IL4I1: variants seen among roughly 807,000 people sequenced by gnomAD.
The protein encoded by IL4I1 is L-amino-acid oxidase.
A neutral mutation model predicts 29.7 loss-of-function variants in IL4I1; 24 were observed. That is an observed-to-expected ratio of 0.81 (90% CI 0.59 to 1.14). The LOEUF is 1.14. Among genes scored for constraint, IL4I1 ranks in the 50% most tolerant of loss-of-function variants. The pLI is 0.00. For synonymous variants in IL4I1, 371 were observed against 352.5 expected, an observed-to-expected ratio of 1.05 and a Z score of -0.59; for missense variants, 686 against 785.6, an observed-to-expected ratio of 0.87 and a Z score of 1.52.
chr19:49,924,503 C>T (rs893778813), intron 2 of IL4I1, among the ~76,000 whole-genome samples: 7 of 152,160 alleles, frequency 4.6e-5, no homozygotes, highest in African/African-American at 1.7e-4. Context: ...CCTGCAACCA[C>T]CGCCTCACTC....
intron 1 of IL4I1, chr19:49,927,837 C>T (rs2075940590): frequency 6.6e-6 from 1 of 152,290 alleles, no homozygotes; most frequent in Non-Finnish European, 1.5e-5. Context: ...AAAAGACGGA[C>T]ATCCACCTCG....
chr19:49,894,919 A>T, intron 4 of IL4I1, 149 bp downstream of exon 4: 2 of 644,064 alleles, frequency 3.1e-6, no homozygotes, highest in Non-Finnish European at 2.7e-6. Context: ...CTGGCGCTGG[A>T]GGCAAGACTG....
In IL4I1 at chr19:49,916,516, G is replaced by A. The variant is rs142956514; in HGVS notation, c.-228+11178C>T. On this transcript the variant is annotated intron_variant, in intron 2 of 9. Transcript: ENST00000341114. ...AGGCCAGGCGCGGTGGCTCACGCCT[G>A]TAATCCCAGCACTTTGGAAGGCCGA... 7.2e-3 allele frequency among the ~76,000 whole-genome samples: 1,094 copies of A among 152,046 alleles called. 6 individuals carry two copies. Among genetic ancestry groups the A allele is most frequent in the African/African-American group, 0.02 (845 of 41,472 alleles).
At chr19:49,916,556 T>C (rs2075628715) in intron 2 of IL4I1, among the ~76,000 whole-genome samples, 1 of 151,808 alleles carries the variant, frequency 6.6e-6, no homozygotes, top group Non-Finnish European at 1.5e-5. Context: ...GGCGGATCAC[T>C]AGGTCAGGAG....
chr19:49,894,543 G>T (rs573571916), intron 4 of IL4I1, 74 bp from the exon 5 acceptor site: 7 of 1,114,248 alleles, frequency 6.3e-6, no homozygotes, highest in African/African-American at 6.2e-5. Flanking sequence ...ACTTGGAGAA[G>T]AGGGGTGGGA....
At chr19:49,917,141 A>G (rs1308236840) in intron 2 of IL4I1, among the ~76,000 whole-genome samples, 3 of 152,180 alleles carry the variant, frequency 2.0e-5, no homozygotes, top group Non-Finnish European at 4.4e-5. Flanking sequence ...GGCAGAAAAG[A>G]GCAGAGAGTG....
At chr19:49,920,601 T>C (rs982547863) in intron 2 of IL4I1, among the ~76,000 whole-genome samples, 30 of 152,226 alleles carry the variant, frequency 2.0e-4, no homozygotes, top group Admixed American at 1.7e-3. Context: ...TGGAGGCGGA[T>C]AGGCGTCAGG....
chr19:49,915,160 G>T (rs570740986), intron 2 of IL4I1, among the ~76,000 whole-genome samples: 1 of 152,236 alleles, frequency 6.6e-6, no homozygotes, highest in South Asian at 2.1e-4. Flanking sequence ...ATGTGTGTGG[G>T]GGGGTAGACA....
chr19:49,912,702 C>T (rs554700085), intron 2 of IL4I1, among the ~76,000 whole-genome samples: 43 of 152,128 alleles, frequency 2.8e-4, no homozygotes, highest in Non-Finnish European at 5.4e-4. Flanking sequence ...TGTCTCTACA[C>T]AAAAAACACA....
intron 7 of IL4I1, among the ~76,000 whole-genome samples, 182 bp downstream of exon 7, chr19:49,890,789 G>A (rs2075124977): frequency 6.6e-6 from 1 of 151,954 alleles, no homozygotes; most frequent in African/African-American, 2.4e-5. Flanking sequence ...TGTCACCAGG[G>A]ACCCCACCAC....
chr19:49,925,277 T>C (rs1322397584), intron 2 of IL4I1, among the ~76,000 whole-genome samples: 1 of 150,570 alleles, frequency 6.6e-6, no homozygotes, highest in African/African-American at 2.4e-5. Flanking sequence ...ACCAAAAAAA[T>C]TAAAAAACAA....
intron 2 of IL4I1, chr19:49,908,266 C>T: frequency 6.2e-7 from 1 of 1,613,772 alleles, no homozygotes. Flanking sequence ...GGAAGCTGCG[C>T]TCCTGCTCCT....
intron 2 of IL4I1, among the ~76,000 whole-genome samples, chr19:49,926,523 C>G (rs533764366): frequency 6.8e-6 from 1 of 146,044 alleles, no homozygotes; most frequent in South Asian, 2.2e-4. Flanking sequence ...CAGCAAGACT[C>G]TGTCTCAAAA....
At chr19:49,891,276 G>T in intron 6 of IL4I1, 129 bp downstream of exon 6, 1 of 1,411,062 alleles carries the variant, frequency 7.1e-7, no homozygotes, top group Non-Finnish European at 9.9e-7. Context: ...GGCGTGTCCA[G>T]CCCCCGGGTC....
intron 3 of IL4I1, among the ~76,000 whole-genome samples, chr19:49,903,322 C>G (rs887994738): frequency 6.6e-6 from 1 of 152,182 alleles, no homozygotes; most frequent in Non-Finnish European, 1.5e-5. Context: ...CCTCGGGAAA[C>G]CTTTGGCGTC....
rs1433128416 is a variant in IL4I1, at chr19:49,891,075, C to T, written c.669G>A (p.Arg223=). 3 of 1,613,546 alleles carry T rather than the reference C, an allele frequency of 1.9e-6. No individual in the cohort carries two copies. The highest frequency in any genetic ancestry group is 2.5e-6 in the Non-Finnish European group (3 of 1,179,926). Residue 223 remains arginine (R), a synonymous_variant, in exon 7 of 8, where the codon CGG becomes CGA. Coordinates refer to ENST00000391826, the MANE Select transcript of IL4I1 (RefSeq NM_152899.2). The part of the protein sequence containing the change: ...EYLLGEGNLS[R]PAVQLLGDVM... ...CGTCTCCCAGAAGCTGCACGGCCGGCCGGCTCAGGTTCCCCTCCCCGAGAA... is the reference window on the plus strand; with the variant it reads ...CGTCTCCCAGAAGCTGCACGGCCGGTCGGCTCAGGTTCCCCTCCCCGAGAA...
intron 2 of IL4I1, chr19:49,908,759 T>G: frequency 6.2e-7 from 1 of 1,613,700 alleles, no homozygotes; most frequent in Non-Finnish European, 8.5e-7. Flanking sequence ...CTGGAGGAAG[T>G]GCCGCTCCTG....
chr19:49,925,862 T>C (rs2075874033), intron 2 of IL4I1, among the ~76,000 whole-genome samples: 1 of 152,196 alleles, frequency 6.6e-6, no homozygotes, highest in African/African-American at 2.4e-5. Context: ...GTATTATCTT[T>C]GCAACTTTTC....
At chr19:49,926,523 C>CTG (rs1568725531) in intron 2 of IL4I1, among the ~76,000 whole-genome samples, 1 of 145,910 alleles carries the variant, frequency 6.9e-6, no homozygotes, top group African/African-American at 2.5e-5. Context: ...CAGCAAGACT[C>CTG]TGTCTCAAAA....
Sources: gnomAD v4.1 joint callset for allele counts (sites outside exome capture counted in the v4.1 genomes callset) on GRCh38, gnomAD v4.1.1 for gene constraint, MANE v1.5 for transcripts, NCBI Gene and HGNC (gene_info 2026-07-23, HGNC 2026-07-21) for gene names.